Variants in ABR observed in about 807,000 individuals in gnomAD.
The protein encoded by ABR is active breakpoint cluster region-related protein.
Under a neutral mutation model 107.2 loss-of-function variants are expected in ABR, and 35 were observed. The ratio of observed to expected loss-of-function variants is 0.33; its 90% CI spans 0.25 to 0.43. ABR has a LOEUF of 0.43. ABR is among the 20% of genes least tolerant of loss of function. ABR has a pLI of 1.00. For missense variants in ABR, 815 were observed against 1,115.2 expected (o/e 0.73, Z 3.83); for synonymous variants, 498 against 462.0 (o/e 1.08, Z -1.00).
intron 1 of ABR, among the ~76,000 whole-genome samples, chr17:1,149,003 G>A (rs537451936): frequency 3.9e-4 from 59 of 150,574 alleles, no homozygotes; most frequent in Middle Eastern, 3.4e-3. Context: ...CTGGGTTCAC[G>A]CCATTCTCCT....
At chr17:1,101,960 C>G (rs1281872796) in intron 2 of ABR, among the ~76,000 whole-genome samples, 1 of 152,072 alleles carries the variant, frequency 6.6e-6, no homozygotes, top group African/African-American at 2.4e-5. Flanking sequence ...GTCTCGATCT[C>G]CTGACCTCGT....
In ABR at chr17:1,159,352, C is replaced by T. The variant is rs1335430252; in HGVS notation, c.61+20315G>A. Among the ~76,000 whole-genome samples, 7 of 102,444 alleles carry T rather than the reference C, an allele frequency of 6.8e-5. 2 individuals carry two copies. The highest frequency in any genetic ancestry group is 1.1e-4 in the Non-Finnish European group (5 of 45,860). 67.2% of individuals were successfully genotyped at this position (102,444 alleles called of 152,430 possible). On this transcript the variant is annotated intron_variant, in intron 1 of 22. Coordinates refer to ENST00000302538, the MANE Select transcript of ABR (RefSeq NM_021962.5). ...AGTACTCACGCACAAGGGAAGTATG[C>T]GGTACTCACACACAGGAGAAGTAAG...
rs1423831724 is a variant in ABR, at chr17:1,078,451, C to T, written c.700+879G>A. Among the ~76,000 whole-genome samples the T allele has an allele frequency of 2.0e-5, 3 of 152,150 alleles. No individual in the cohort carries two copies. Among genetic ancestry groups the T allele is most frequent in the African/African-American group, 7.2e-5 (3 of 41,442 alleles). ...CCCATCGCCACGCTGTGCCTGGCCC[C>T]CGCAGACCCTCTCCCTGGCCTCAGG... On this transcript the variant is annotated intron_variant, in intron 6 of 22. Coordinates refer to ENST00000302538, the MANE Select transcript of ABR (RefSeq NM_021962.5). The surrounding 1 kb of genome is among the most constrained non-coding windows in gnomAD (Gnocchi z 7.5).
chr17:1,221,931 G>C (rs1421608740), intron 1 of ABR, among the ~76,000 whole-genome samples: 2 of 152,160 alleles, frequency 1.3e-5, no homozygotes, highest in African/African-American at 4.8e-5. Flanking sequence ...AAACAAATAA[G>C]CTTGGGAAAC....
At chr17:1,201,834 G>A (rs1019018345) in intron 1 of ABR, among the ~76,000 whole-genome samples, 2 of 152,020 alleles carry the variant, frequency 1.3e-5, no homozygotes, top group South Asian at 2.1e-4. Context: ...CCACCACCAC[G>A]CCCGGCTAAT....
At chr17:1,124,282 T>C (rs1009394274) in intron 2 of ABR, among the ~76,000 whole-genome samples, 8 of 152,114 alleles carry the variant, frequency 5.3e-5, no homozygotes, top group African/African-American at 1.9e-4. Context: ...GCCCGTGGCA[T>C]CTCAGCGACT....
intron 1 of ABR, among the ~76,000 whole-genome samples, chr17:1,185,371 A>C (rs1369557210): frequency 2.0e-5 from 3 of 152,158 alleles, no homozygotes; most frequent in Admixed American, 1.3e-4. Context: ...AGGGCCAGGC[A>C]CAGTGGCTCA....
intron 2 of ABR, among the ~76,000 whole-genome samples, chr17:1,111,655 C>T (rs942784725): frequency 6.6e-6 from 1 of 152,224 alleles, no homozygotes; most frequent in Admixed American, 6.5e-5. Flanking sequence ...CCTGTTGATG[C>T]AGGCACTGCC....
At chr17:1,228,819 G>A (rs931484117) in exon 1 of ABR, 1 of 151,946 alleles carries the variant, frequency 6.6e-6, no homozygotes, top group African/African-American at 2.4e-5. Flanking sequence ...CTCGCGGTCG[G>A]AGCTGTGCCG....
chr17:1,179,720 G>C lies in ABR; in HGVS notation c.8C>G (p.Pro3Arg), dbSNP rs1157459319. The C allele has an allele frequency of 3.2e-6, 5 of 1,549,670 alleles. No individual in the cohort carries two copies. The highest frequency in any genetic ancestry group is 3.5e-6 in the Non-Finnish European group (4 of 1,148,052). ...GCGCGGCAGGCCCCGGTGGCTGAGCGGCTCCATCCCGCGGCGGCGGCTCGG... is the reference window on the plus strand; with the variant it reads ...GCGCGGCAGGCCCCGGTGGCTGAGCCGCTCCATCCCGCGGCGGCGGCTCGG... ME[P>R]LSHRGLPRLS... Residue 3 changes from proline to arginine, a missense_variant, in exon 1 of 23, where the codon CCG becomes CGG. By Grantham distance (103) the Pro-to-Arg change is moderately radical (BLOSUM62 -2). This residue lies in a region of ABR where 129 missense variants were observed against 124.8 expected (regional missense o/e 1.03). Transcript: ENST00000302538. This position sits in a 1 kb window ranked among gnomAD's most constrained non-coding sequence, Gnocchi z 4.9.
In ABR at chr17:1,063,303, C is replaced by T. The variant is rs12941044; in HGVS notation, c.1182+3774G>A. On this transcript the variant is annotated intron_variant, in intron 10 of 22. Coordinates refer to ENST00000302538, the MANE Select transcript of ABR (RefSeq NM_021962.5). Reference sequence around the variant, plus strand: ...GCTATGCATGTTCCTCTAGACACTGCTGTTACGTGAACTGAGGGCTATGCA... The same window carrying T: ...GCTATGCATGTTCCTCTAGACACTGTTGTTACGTGAACTGAGGGCTATGCA... Among the ~76,000 whole-genome samples, 102 of 16,894 alleles carry T rather than the reference C, an allele frequency of 6.0e-3. 10 individuals are homozygous for T. Among genetic ancestry groups the T allele is most frequent in the African/African-American group, 0.011 (58 of 5,136 alleles). The allele number at this position is 16,894 out of a possible 152,430, so 11.1% of individuals were successfully genotyped here.
At chr17:1,068,320 G>A (rs2034927453) in intron 9 of ABR, among the ~76,000 whole-genome samples, 1 of 152,238 alleles carries the variant, frequency 6.6e-6, no homozygotes, top group Non-Finnish European at 1.5e-5. Flanking sequence ...GAGTGTTGAG[G>A]TGGGCGTGGG....
At chr17:1,161,002 G>A (rs970102456) in intron 1 of ABR, among the ~76,000 whole-genome samples, 4 of 152,118 alleles carry the variant, frequency 2.6e-5, no homozygotes, top group Non-Finnish European at 5.9e-5. Flanking sequence ...GGCAGGTGTC[G>A]CTGGACCGCC....
intron 1 of ABR, among the ~76,000 whole-genome samples, chr17:1,142,266 A>T (rs1287005468): frequency 1.3e-5 from 2 of 151,992 alleles, no homozygotes; most frequent in Non-Finnish European, 2.9e-5. Flanking sequence ...GGGACACTGA[A>T]GTGAGCGTCT....
At chr17:1,139,432 T>C (rs1001460468) in intron 1 of ABR, among the ~76,000 whole-genome samples, 2 of 152,124 alleles carry the variant, frequency 1.3e-5, no homozygotes, top group African/African-American at 4.8e-5. Flanking sequence ...TTTTGTATTT[T>C]TAGTAGAGAC....
At chr17:1,031,848 G>GCCTCCCTCCCTCCCTCCCCGCGCTCC (rs2072811519) in intron 16 of ABR, 471 of 925,760 alleles carry the variant, frequency 5.1e-4, no homozygotes, top group Admixed American at 9.5e-4. Flanking sequence ...CCCCGCGCTC[G>GCCTCCCTCCCTCCCTCCCCGCGCTCC]CCTCCCTCCC....
rs1046795771 is a variant in ABR, at chr17:1,200,401, A to G, written c.838+28392T>C. Among the ~76,000 whole-genome samples, 3 of 152,054 alleles carry G rather than the reference A, an allele frequency of 2.0e-5. No individual in the cohort carries two copies. Among genetic ancestry groups the G allele is most frequent in the Non-Finnish European group, 4.4e-5 (3 of 68,034 alleles). ...AAAAAAATTTTTTTAAATAAAGTCT[A>G]TGGGAGACGTGATTAGGTTACATGT... On this transcript the variant is annotated intron_variant, in intron 1 of 22. Coordinates refer to the ABR transcript ENST00000574139. This position sits in a 1 kb window ranked among gnomAD's most constrained non-coding sequence, Gnocchi z 4.1.
chr17:1,137,802 G>A (rs573344136), intron 1 of ABR, among the ~76,000 whole-genome samples: 47 of 152,078 alleles, frequency 3.1e-4, no homozygotes, highest in African/African-American at 1.1e-3. Context: ...AGGTACGCCC[G>A]CATCACAGGA....
In ABR at chr17:1,150,438, C is replaced by G. The variant is rs1273402008; in HGVS notation, c.62-25071G>C. Among the ~76,000 whole-genome samples, 2 of 152,280 alleles carry G rather than the reference C, an allele frequency of 1.3e-5. No individual in the cohort carries two copies. Among genetic ancestry groups the G allele is most frequent in the African/African-American group, 4.8e-5 (2 of 41,556 alleles). ...ACTCTGAAGAGGTGCTCAGAGCAGT[C>G]AGATTCGTCCAGACACAAAGAGGAG... On this transcript the variant is annotated intron_variant, in intron 1 of 22. Coordinates refer to ENST00000302538, the MANE Select transcript of ABR (RefSeq NM_021962.5). This position sits in a 1 kb window ranked among gnomAD's most constrained non-coding sequence, Gnocchi z 4.8.
Sources: allele counts gnomAD v4.1 joint callset (sites outside exome capture counted in the v4.1 genomes callset), GRCh38; gene constraint gnomAD v4.1.1; regional missense constraint gnomAD v4.1.1; non-coding constraint Gnocchi (gnomAD v3.1); transcripts MANE v1.5; gene names NCBI Gene and HGNC (gene_info 2026-07-23, HGNC 2026-07-21).